Variants in PHIP observed in about 807,000 individuals in gnomAD.
PHIP encodes PH-interacting protein.
In PHIP, 54 loss-of-function variants were observed where a neutral mutation model predicts 236.8. That is an observed-to-expected ratio of 0.23 (90% CI 0.18 to 0.29). The LOEUF (loss-of-function observed/expected upper bound fraction) is 0.29. PHIP is among the 10% of genes least tolerant of loss of function. The pLI, the probability that PHIP is intolerant of heterozygous loss-of-function variation, is 1.00. For synonymous variants in PHIP, 756 were observed against 718.9 expected, an observed-to-expected ratio of 1.05 and a Z score of -0.83; for missense variants, 1,370 against 2,190.8, an observed-to-expected ratio of 0.63 and a Z score of 7.48.
chr6:79,011,936 C>A (rs1213723909), intron 15 of PHIP, among the ~76,000 whole-genome samples: 2 of 151,236 alleles, frequency 1.3e-5, no homozygotes, highest in Non-Finnish European at 3.0e-5. Context: ...ACTATCAGTG[C>A]AATATTAAAA....
chr6:78,999,099 T>C (rs906819714), intron 17 of PHIP, among the ~76,000 whole-genome samples: 2 of 152,090 alleles, frequency 1.3e-5, no homozygotes, highest in African/African-American at 2.4e-5. Flanking sequence ...CACATAAAGA[T>C]CTAGATAAGG....
At chr6:78,999,210 T>C (rs951942134) in intron 17 of PHIP, among the ~76,000 whole-genome samples, 1 of 152,210 alleles carries the variant, frequency 6.6e-6, no homozygotes, top group Non-Finnish European at 1.5e-5. Flanking sequence ...TTACTTGTCA[T>C]AGAGGACCAC....
chr6:78,946,474 C>G (rs1194012027), intron 37 of PHIP: 2 of 1,395,348 alleles, frequency 1.4e-6, no homozygotes, highest in Non-Finnish European at 1.8e-6. Flanking sequence ...AAGCATGATG[C>G]CATCACTATC....
At position 78,952,320 on chromosome 6, in the gene PHIP, G is replaced by A. The variant is rs147733732; in HGVS notation, c.4053+2494C>T. Among the ~76,000 whole-genome samples, 189 of 151,166 alleles carry A rather than the reference G, an allele frequency of 1.3e-3. 1 individual carries two copies. Among genetic ancestry groups the A allele is most frequent in the South Asian group, 0.012 (59 of 4,772 alleles). On this transcript the variant is annotated intron_variant, in intron 35 of 39. Transcript: ENST00000275034. ...TATAATCCCAGCTACTCGTGAGGCC[G>A]AGGCAGGAGAATCGCTTGAATCCAG...
chr6:78,972,369 C>G (rs1022032355), intron 24 of PHIP, among the ~76,000 whole-genome samples: 9 of 152,130 alleles, frequency 5.9e-5, no homozygotes, highest in Non-Finnish European at 1.0e-4. Context: ...ACATCAAAAA[C>G]CCATCTGTAC....
chr6:79,006,874 C>G (rs901759418), intron 15 of PHIP, among the ~76,000 whole-genome samples: 1 of 151,750 alleles, frequency 6.6e-6, no homozygotes, highest in Non-Finnish European at 1.5e-5. Flanking sequence ...TAAGGTTTAG[C>G]TGAGATAATC....
intron 9 of PHIP, among the ~76,000 whole-genome samples, chr6:79,021,445 G>A (rs1040292550): frequency 4.6e-5 from 7 of 152,212 alleles, no homozygotes; most frequent in Admixed American, 1.3e-4. Flanking sequence ...AACACGCCCC[G>A]CCACAATAGT....
At chr6:78,971,587 G>A (rs1483459835) in intron 24 of PHIP, among the ~76,000 whole-genome samples, 5 of 152,102 alleles carry the variant, frequency 3.3e-5, no homozygotes, top group South Asian at 2.1e-4. Context: ...TGCAGAAGAC[G>A]GGTGATTTCT....
Position 78,940,769 on chromosome 6 carries a change from A to G in PHIP, c.5390T>C (p.Leu1797Ser). 6.2e-7 allele frequency: 1 copy of G among 1,613,772 alleles called. No homozygotes were observed. The highest frequency in any genetic ancestry group is 8.5e-7 in the Non-Finnish European group (1 of 1,179,742). Residue 1797 changes from leucine (L) to serine (S), a missense_variant, in exon 40 of 40, where the codon TTA becomes TCA. Transcript: ENST00000275034. ...TCCTCTACTAGAAGTTCCAAAAGTT[A>G]AAGAGGTGTCTTCGAACAACAGCTG... ...QRQLLFEDTS[L>S]TFGTSSRGRV...
intron 19 of PHIP, among the ~76,000 whole-genome samples, chr6:78,994,808 C>CA (rs1769506336): frequency 6.6e-6 from 1 of 152,172 alleles, no homozygotes; most frequent in Non-Finnish European, 1.5e-5. Flanking sequence ...CAAGACCCTT[C>CA]ACCAGCAAGA....
rs184130025 is a variant in PHIP, at chr6:78,989,542, A to G, written c.2320-1193T>C. Reference sequence around the variant, plus strand: ...TCGAAAATAACCAATTAAATTTGGGAAAAATAAATGATAGCCAGCTGACCA... The same window carrying G: ...TCGAAAATAACCAATTAAATTTGGGGAAAATAAATGATAGCCAGCTGACCA... On this transcript the variant is annotated intron_variant, in intron 20 of 39. Transcript: ENST00000275034. 1.9e-3 allele frequency among the ~76,000 whole-genome samples: 291 copies of G among 152,344 alleles called. 1 individual carries two copies. The highest frequency in any genetic ancestry group is 3.1e-3 in the South Asian group (15 of 4,828).
In PHIP at chr6:78,949,811, CATT is replaced by C. The variant is rs1202441924; in HGVS notation, c.4054-2039_4054-2037del. ...TCAAGCAATCCTCCCACCTCAGCCT[CATT>C]AGTAGCTTGAACTATAGGTGCACGC... On this transcript the variant is annotated intron_variant, in intron 35 of 39. Transcript: ENST00000275034. 3.9e-5 allele frequency among the ~76,000 whole-genome samples: 6 copies of C among 152,214 alleles called. No homozygotes were observed. The East Asian group carries it at 1.2e-3, about 29-fold the overall frequency.
At chr6:78,988,447 G>T in intron 20 of PHIP, 98 bp from the exon 21 acceptor site, 1 of 783,894 alleles carries the variant, frequency 1.3e-6, no homozygotes, top group Admixed American at 3.0e-5. Context: ...TTCAAGCTGG[G>T]CATGGTGGCG....
At chr6:79,031,650 G>T (rs1452904494) in intron 7 of PHIP, among the ~76,000 whole-genome samples, 1 of 152,136 alleles carries the variant, frequency 6.6e-6, no homozygotes, top group Admixed American at 6.5e-5. Flanking sequence ...TTATGATAAA[G>T]AAATGTGCCT....
chr6:78,983,149 C>A (rs376408119), intron 22 of PHIP, 32 bp from the exon 23 acceptor site: 2 of 1,150,170 alleles, frequency 1.7e-6, no homozygotes, highest in Middle Eastern at 4.1e-4. Flanking sequence ...TTAGATAACA[C>A]ACAAGATAAA....
intron 7 of PHIP, among the ~76,000 whole-genome samples, chr6:79,034,154 T>C (rs1385856580): frequency 2.0e-5 from 3 of 152,192 alleles, no homozygotes; most frequent in African/African-American, 7.2e-5. Context: ...TGAGCATATG[T>C]TGTTAGAAAA....
At chr6:78,998,444 T>C in intron 17 of PHIP, 53 bp from the exon 18 acceptor site, 1 of 1,468,832 alleles carries the variant, frequency 6.8e-7, no homozygotes, top group Non-Finnish European at 9.5e-7. Flanking sequence ...ATTCAAACCA[T>C]TTTACTCACC....
Position 79,025,512 on chromosome 6 carries a change from A to G in PHIP, c.923+7T>C, listed in dbSNP as rs370443893. ...CATTTAATCTATGAAATAAAATAGA[A>G]ACTGACTTTATTTTAAGGGTTCCAG... On this transcript the variant is annotated splice_region_variant and intron_variant, in intron 9 of 39. Coordinates refer to ENST00000275034, the MANE Select transcript of PHIP (RefSeq NM_017934.7). 5.2e-6 allele frequency: 8 copies of G among 1,528,730 alleles called. No individual in the cohort carries two copies. Among genetic ancestry groups the G allele is most frequent in the Non-Finnish European group, 7.3e-6 (8 of 1,103,208 alleles). The allele number at this position is 1,528,730 out of a possible 1,614,324, so 94.7% of individuals were successfully genotyped here. A position where few individuals can be genotyped will look rare whatever the true frequency, so the allele number is the denominator to read the frequency against.
rs1345434514 is a variant in PHIP at position 78,997,612 on chromosome 6, T to C, written c.2018-15A>G. 1 of 1,600,102 alleles carries C rather than the reference T, an allele frequency of 6.2e-7. No individual in the cohort carries two copies. The highest frequency in any genetic ancestry group is 8.6e-7 in the Non-Finnish European group (1 of 1,168,908). ...ACTTATGGAGCCTAAGTGAAAAAGTTACTATATTAAGTTCTACTTAGAGAT... is the reference window on the plus strand; with the variant it reads ...ACTTATGGAGCCTAAGTGAAAAAGTCACTATATTAAGTTCTACTTAGAGAT... On this transcript the variant is annotated splice_polypyrimidine_tract_variant and intron_variant, in intron 18 of 39. Coordinates refer to ENST00000275034, the MANE Select transcript of PHIP (RefSeq NM_017934.7).
Sources: gnomAD v4.1 joint callset for allele counts (sites outside exome capture counted in the v4.1 genomes callset) on GRCh38, gnomAD v4.1.1 for gene constraint, MANE v1.5 for transcripts, NCBI Gene and HGNC (gene_info 2026-07-23, HGNC 2026-07-21) for gene names.